Variants in ASB14 observed in about 807,000 individuals in gnomAD.
ASB14 encodes ankyrin repeat and SOCS box protein 14.
Under a neutral mutation model 55.6 loss-of-function variants are expected in ASB14, and 63 were observed. The ratio of observed to expected loss-of-function variants is 1.13; its 90% CI spans 0.92 to 1.40. ASB14 has a LOEUF of 1.40. ASB14 is among the 40% of genes most tolerant of loss of function. The probability of loss-of-function intolerance (pLI) is 0.00; values close to 1 mark genes in which losing one functional copy is unlikely to be tolerated. For synonymous variants in ASB14, 256 were observed against 259.9 expected (o/e 0.98, Z 0.15); for missense variants, 724 against 710.4 (o/e 1.02, Z -0.22).
chr3:57,279,083 T>C (rs2061015144), intron 7 of ASB14, 163 bp from the exon 8 acceptor site: 2 of 660,900 alleles, frequency 3.0e-6, no homozygotes, highest in Non-Finnish European at 5.0e-6. Flanking sequence ...GAAGCTCAGA[T>C]ACCAAGTAAA....
chr3:57,280,383 A>G lies in ASB14; in HGVS notation c.806T>C (p.Leu269Pro), dbSNP rs749022523. The stretch of plus-strand genomic sequence containing the variant: ...GATGTTGGCATCAGCTCCATACTCC[A>G]GCAAGAGAGCCACAGCATCTGGATT... ...GGNPDAVALLLEYGADANIPK... is the reference protein window; with the variant it reads ...GGNPDAVALLPEYGADANIPK... Residue 269 changes from leucine to proline, a missense_variant, in exon 7 of 11, where the codon CTG (leucine) becomes CCG (proline). Leu to Pro is a moderately conservative substitution (Grantham distance 98). Transcript: ENST00000487349. 6.4e-7 allele frequency: 1 copy of G among 1,551,614 alleles called. No homozygotes were observed.
At chr3:57,283,712 T>C (rs185414043) in intron 5 of ASB14, among the ~76,000 whole-genome samples, 3 of 152,306 alleles carry the variant, frequency 2.0e-5, no homozygotes, top group Non-Finnish European at 2.9e-5. Context: ...TTTTCACTTA[T>C]CTTTATTCTT....
chr3:57,271,259 G>A (rs1182031133), intron 10 of ASB14: 2 of 152,392 alleles, frequency 1.3e-5, no homozygotes, highest in Non-Finnish European at 2.9e-5. Flanking sequence ...GTAGGAATAG[G>A]ATAATGATAT....
At chr3:57,291,862 G>A (rs1249044435) in intron 2 of ASB14, 50 bp downstream of exon 2, 1 of 1,437,404 alleles carries the variant, frequency 7.0e-7, no homozygotes, top group Non-Finnish European at 9.4e-7. Flanking sequence ...ACAAGTGTCA[G>A]CTGTTGAATA....
chr3:57,280,163 CAAAAA>C (rs138493152), intron 7 of ASB14, 134 bp downstream of exon 7: 110 of 215,748 alleles, frequency 5.1e-4, no homozygotes, highest in Middle Eastern at 2.7e-3. Context: ...GACAGCATCT[CAAAAA>C]AAAAAAAAAA....
chr3:57,288,170 C>T lies in ASB14; in HGVS notation c.295G>A (p.Glu99Lys). ...GGGAATTTACCGCTTAGGGTTATTT[C>T]CAAAATTTTCCTATTTAATTGCACT... Reference protein sequence around the residue: ...AAVQLNRKILEITLSASDPSL... With the variant: ...AAVQLNRKILKITLSASDPSL... Residue 99 changes from glutamate to lysine, a missense_variant, in exon 4 of 11, where the codon GAA becomes AAA. Physicochemically the swap from Glu to Lys is moderately conservative, Grantham distance 56. Transcript: ENST00000487349. 4 of 1,537,058 alleles carry T rather than the reference C, an allele frequency of 2.6e-6. No individual in the cohort carries two copies. The East Asian group carries it at 9.8e-5, about 38-fold the overall frequency.
At chr3:57,288,977 C>T (rs1393985320) in intron 3 of ASB14, 91 bp downstream of exon 3, 13 of 1,054,290 alleles carry the variant, frequency 1.2e-5, no homozygotes, top group Non-Finnish European at 1.8e-5. Context: ...CTTGGCCTCC[C>T]AAAGTACTGG....
chr3:57,287,967 A>G lies in ASB14; in HGVS notation c.403T>C (p.Phe135Leu). Residue 135 changes from phenylalanine to leucine, a missense_variant, in exon 5 of 11, where the codon TTT becomes CTT. By Grantham distance (22) the Phe-to-Leu change is conservative. Coordinates refer to ENST00000487349, the MANE Select transcript of ASB14 (RefSeq NM_001142733.3). Reference protein sequence around the residue: ...VSSCLLENATFLLLNGCNPNA... With the variant: ...VSSCLLENATLLLLNGCNPNA... ...GGATTGCAGCCATTGAGAAGAAGAA[A>G]AGTGGCATTTTCTAAGAGGCAACTG... 6.5e-7 allele frequency: 1 copy of G among 1,537,314 alleles called. No homozygotes were observed. The highest frequency in any genetic ancestry group is 1.2e-5 in the South Asian group (1 of 84,064).
chr3:57,286,540 C>T (rs981872158), intron 5 of ASB14, among the ~76,000 whole-genome samples: 1 of 152,254 alleles, frequency 6.6e-6, no homozygotes, highest in South Asian at 2.1e-4. Flanking sequence ...TTATCCATCT[C>T]GCTATTCAAT....
At position 57,269,754 on chromosome 3, in the gene ASB14, A is replaced by G. The variant is rs981815760; in HGVS notation, c.*23-136T>C. 1.8e-5 allele frequency: 27 copies of G among 1,532,386 alleles called. No individual in the cohort carries two copies. In the African/African-American group the frequency reaches 2.9e-4, roughly 16 times the overall value. The allele number at this position is 1,532,386 out of a possible 1,614,324, so 94.9% of individuals were successfully genotyped here. A position where few individuals can be genotyped will look rare whatever the true frequency, so the allele number is the denominator to read the frequency against. On this transcript the variant is annotated intron_variant, in intron 10 of 10. Coordinates refer to ENST00000487349, the MANE Select transcript of ASB14 (RefSeq NM_001142733.3). ...TTTCTATGGTGAAATGGCAGAAGGT[A>G]ACAACTATGTTGAAATATCAAGGAG...
chr3:57,274,314 G>T (rs2060969909), intron 10 of ASB14, among the ~76,000 whole-genome samples: 1 of 152,192 alleles, frequency 6.6e-6, no homozygotes, highest in Admixed American at 6.6e-5. Context: ...TGTTGATATG[G>T]CTTCTAAATG....
At position 57,278,463 on chromosome 3, in the gene ASB14, G is replaced by C. The variant is rs570963427; in HGVS notation, c.1345C>G (p.Arg449Gly). 238 of 1,614,150 alleles carry C rather than the reference G, an allele frequency of 1.5e-4. 4 individuals carry two copies. The South Asian group carries it at 2.6e-3, about 17-fold the overall frequency. ...MLLNYGYDTE[R>G]CFDCPHGDKV... ...TCTCCATGTGGGCAATCAAAACATC[G>C]CTCTGTGTCATACCCATAGTTCAGC... The change falls in exon 8 of 11, where the codon CGA (arginine) becomes GGA (glycine). Residue 449 changes from arginine (R) to glycine (G), a missense_variant. Coordinates refer to ENST00000487349, the MANE Select transcript of ASB14 (RefSeq NM_001142733.3).
intron 2 of ASB14, among the ~76,000 whole-genome samples, chr3:57,289,494 A>G (rs556098099): frequency 2.9e-3 from 441 of 152,316 alleles, no homozygotes; most frequent in Non-Finnish European, 5.3e-3. Context: ...ATAGAATGTC[A>G]ACGATTCTAG....
chr3:57,276,799 A>C, intron 9 of ASB14, 71 bp from the exon 10 acceptor site: 1 of 1,409,866 alleles, frequency 7.1e-7, no homozygotes, highest in Non-Finnish European at 9.7e-7. Flanking sequence ...TTTTGTTAGC[A>C]AACGTATTTG....
rs2061091599 is a variant in ASB14, at chr3:57,287,774, C to T, written c.469+127G>A. 3 of 1,065,626 alleles carry T rather than the reference C, an allele frequency of 2.8e-6. No individual in the cohort carries two copies. In the African/African-American group the frequency reaches 5.0e-5, roughly 18 times the overall value. 66.0% of individuals were successfully genotyped at this position (1,065,626 alleles called of 1,614,324 possible). On this transcript the variant is annotated intron_variant, in intron 5 of 10. Transcript: ENST00000487349. ...TGGAAAGCTTCTGGAGGGTCGGTAC[C>T]CATGTCTGGTCAGTTGGGAACAGAG...
chr3:57,278,558 C>G lies in ASB14; in HGVS notation c.1250G>C (p.Arg417Thr), dbSNP rs773572286. The G allele has an allele frequency of 1.4e-5, 23 of 1,614,214 alleles. No individual in the cohort carries two copies. The South Asian group carries it at 2.1e-4, about 15-fold the overall frequency. The change falls in exon 8 of 11, where the codon AGA becomes ACA. Residue 417 changes from arginine (R) to threonine (T), a missense_variant. Physicochemically the swap from Arg to Thr is moderately conservative, Grantham distance 71. Transcript: ENST00000487349. ...RHGANVNYFC[R>T]VNPLHFPSAL... ...TGATGGGAAATGTAAAGGGTTAACT[C>G]TGCAGAAGTAATTGACATTGGCCCC...
intron 2 of ASB14, among the ~76,000 whole-genome samples, chr3:57,291,246 T>G (rs902462814): frequency 3.9e-5 from 6 of 152,216 alleles, no homozygotes; most frequent in African/African-American, 1.2e-4. Context: ...TAGTTTTACA[T>G]CCAGCAGGCA....
intron 5 of ASB14, among the ~76,000 whole-genome samples, chr3:57,285,799 A>G (rs543583300): frequency 1.2e-3 from 181 of 152,010 alleles, no homozygotes; most frequent in African/African-American, 4.0e-3. Context: ...ACCTGTTCCA[A>G]TCTGGACCTC....
intron 10 of ASB14, among the ~76,000 whole-genome samples, chr3:57,274,467 A>G (rs907088578): frequency 2.0e-5 from 3 of 152,114 alleles, no homozygotes; most frequent in African/African-American, 7.2e-5. Context: ...CAGATCACTT[A>G]AGGTCAGGAG....
Sources: allele counts gnomAD v4.1 joint callset (sites outside exome capture counted in the v4.1 genomes callset), GRCh38; gene constraint gnomAD v4.1.1; transcripts MANE v1.5; gene names NCBI Gene and HGNC (gene_info 2026-07-23, HGNC 2026-07-21).